FBLN1: variants seen among roughly 807,000 people sequenced by gnomAD.
The protein encoded by FBLN1 is fibulin 1, also known as fibulin-1.
FBLN1 carries 34 observed loss-of-function variants against 89.7 expected under a neutral mutation model. That is an observed-to-expected ratio of 0.38 (90% confidence interval 0.29 to 0.50). The LOEUF is 0.50. FBLN1 is among the 20% of genes least tolerant of loss of function. FBLN1 has a pLI of 0.92. For missense variants in FBLN1, 777 were observed against 988.1 expected (o/e 0.79, Z 2.86); for synonymous variants, 393 against 391.3 (o/e 1.00, Z -0.05).
intron 1 of FBLN1, among the ~76,000 whole-genome samples, chr22:45,504,777 C>G (rs2087996335): frequency 6.6e-6 from 1 of 152,150 alleles, no homozygotes; most frequent in South Asian, 2.1e-4. Context: ...ACTGCTGAGC[C>G]ACAGAGAAGT....
rs2088390841 is a variant in FBLN1, at chr22:45,530,498, G to A, written c.485-767G>A. 1.3e-5 allele frequency among the ~76,000 whole-genome samples: 2 copies of A among 152,116 alleles called. No homozygotes were observed. Among genetic ancestry groups the A allele is most frequent in the Non-Finnish European group, 2.9e-5 (2 of 68,032 alleles). On this transcript the variant is annotated intron_variant, in intron 4 of 16. Transcript: ENST00000327858. This position sits in a 1 kb window ranked among gnomAD's most constrained non-coding sequence, Gnocchi z 5.4. ...TATGTTTCCTGGGGGCCATGCAGAAGGTCCCCAGACCAGTGCTGGCCTGCG... is the reference window on the plus strand; with the variant it reads ...TATGTTTCCTGGGGGCCATGCAGAAAGTCCCCAGACCAGTGCTGGCCTGCG...
intron 3 of FBLN1, 84 bp from the exon 4 acceptor site, chr22:45,527,763 G>C: frequency 6.8e-7 from 1 of 1,460,532 alleles, no homozygotes. Context: ...AGGGGGCTCA[G>C]AGAGGCCTCC....
chr22:45,516,133 A>T (rs1299656877), intron 1 of FBLN1, among the ~76,000 whole-genome samples: 2 of 151,976 alleles, frequency 1.3e-5, no homozygotes, highest in Admixed American at 1.3e-4. Flanking sequence ...CGGCCAGGAG[A>T]GGGTGACAGG....
intron 3 of FBLN1, among the ~76,000 whole-genome samples, chr22:45,527,554 C>G (rs6007078): frequency 6.7e-6 from 1 of 148,618 alleles, no homozygotes; most frequent in African/African-American, 2.5e-5. Flanking sequence ...GGTCTCTGGG[C>G]GGGGCAGGGA....
chr22:45,508,001 A>G (rs1392765534), intron 1 of FBLN1, among the ~76,000 whole-genome samples: 1 of 152,060 alleles, frequency 6.6e-6, no homozygotes, highest in Admixed American at 6.5e-5. Context: ...GAAATCCAAC[A>G]CCTGTGCACC....
intron 1 of FBLN1, among the ~76,000 whole-genome samples, chr22:45,505,860 C>T (rs1483808112): frequency 6.6e-6 from 1 of 152,186 alleles, no homozygotes; most frequent in Non-Finnish European, 1.5e-5. Context: ...CAACCTCCGC[C>T]TCCCGAGTTG....
chr22:45,512,595 C>G (rs73445423), intron 1 of FBLN1, among the ~76,000 whole-genome samples: 11,740 of 152,114 alleles, frequency 0.077, 521 homozygotes, highest in African/African-American at 0.098. Context: ...GTTTGGATAT[C>G]CACAGGTGAC....
chr22:45,542,109 A>T (rs1457277085), intron 9 of FBLN1, 46 bp from the exon 10 acceptor site: 13 of 1,613,510 alleles, frequency 8.1e-6, no homozygotes, highest in Non-Finnish European at 1.1e-5. Flanking sequence ...GGGGGAAAAA[A>T]CCCAAACTAA....
rs552069613 is a variant in FBLN1, at chr22:45,546,586, G to A, written c.1322-499G>A. On this transcript the variant is annotated intron_variant, in intron 11 of 16. Coordinates refer to ENST00000327858, the MANE Select transcript of FBLN1 (RefSeq NM_006486.3). ...AAATTTGGCCCATAGACTATGATTT[G>A]CTGACCTCTGCTTTAGGTAAAGGGG... 4.6e-5 allele frequency among the ~76,000 whole-genome samples: 7 copies of A among 152,352 alleles called. No homozygotes were observed. In the South Asian group the frequency reaches 1.4e-3, roughly 32 times the overall value.
At position 45,525,684 on chromosome 22, in the gene FBLN1, A is replaced by G. The variant is rs778380062; in HGVS notation, c.321+6A>G. 40 of 1,551,280 alleles carry G rather than the reference A, an allele frequency of 2.6e-5. 1 individual carries two copies. The Middle Eastern group carries it at 1.8e-3, about 71-fold the overall frequency. On this transcript the variant is annotated splice_donor_region_variant and intron_variant, in intron 3 of 16. Coordinates refer to ENST00000327858, the MANE Select transcript of FBLN1 (RefSeq NM_006486.3). Reference sequence around the variant, plus strand: ...TGGAGGCCACATTTGTGAAGGTGAGAGCCAAAGACCATGTGGGGTCGCTGC... The same window carrying G: ...TGGAGGCCACATTTGTGAAGGTGAGGGCCAAAGACCATGTGGGGTCGCTGC...
At chr22:45,558,494 C>T (rs1357368220) in intron 14 of FBLN1, 1 of 162,204 alleles carries the variant, frequency 6.2e-6, no homozygotes, top group African/African-American at 2.4e-5. Flanking sequence ...AGGCTGCAGC[C>T]AGCATCCTTA....
chr22:45,518,257 C>G (rs2088197903), intron 1 of FBLN1, among the ~76,000 whole-genome samples: 1 of 152,128 alleles, frequency 6.6e-6, no homozygotes, highest in African/African-American at 2.4e-5. Context: ...TGTTCCCTGA[C>G]CTGCTGGGCT....
intron 14 of FBLN1, among the ~76,000 whole-genome samples, chr22:45,555,063 G>A (rs1026429917): frequency 4.2e-5 from 6 of 144,348 alleles, no homozygotes; most frequent in African/African-American, 1.3e-4. Flanking sequence ...CGTCTCCACC[G>A]CAGGAGGTTA....
intron 3 of FBLN1, 81 bp from the exon 4 acceptor site, chr22:45,527,766 A>G: frequency 2.7e-6 from 4 of 1,470,038 alleles, no homozygotes; most frequent in Non-Finnish European, 3.8e-6. Flanking sequence ...GGGCTCAGAG[A>G]GGCCTCCCCT....
chr22:45,508,295 T>TTTTTTTTTTTTTTTTTTA (rs1265721921), intron 1 of FBLN1, among the ~76,000 whole-genome samples: 1 of 150,754 alleles, frequency 6.6e-6, no homozygotes, highest in African/African-American at 2.4e-5. Flanking sequence ...TCTTTTTTTT[T>TTTTTTTTTTTTTTTTTTA]GAGACGGAGT....
In FBLN1 at chr22:45,514,316, G is replaced by T. The variant is rs2088140912; in HGVS notation, c.80-4366G>T. On this transcript the variant is annotated intron_variant, in intron 1 of 16. Transcript: ENST00000327858. ...CTACACACATCTTTAACCTGCTGCA[G>T]ATAGTACTTTTGTTGGCATCTGGAG... 2.0e-5 allele frequency among the ~76,000 whole-genome samples: 3 copies of T among 152,190 alleles called. No individual in the cohort carries two copies. In the South Asian group the frequency reaches 6.2e-4, roughly 32 times the overall value.
rs2088348151 is a variant in FBLN1, at chr22:45,527,737, T to C, written c.322-110T>C. The C allele has an allele frequency of 3.9e-5, 44 of 1,126,098 alleles. No individual in the cohort carries two copies. The South Asian group carries it at 5.1e-4, about 13-fold the overall frequency. 69.8% of individuals were successfully genotyped at this position (1,126,098 alleles called of 1,614,324 possible). On this transcript the variant is annotated intron_variant, in intron 3 of 16. Coordinates refer to ENST00000327858, the MANE Select transcript of FBLN1 (RefSeq NM_006486.3). ...CTAAGCCAGACTTGAGTCATCACTC[T>C]ACAGGTTGTGTGGACAGGGGGCTCA... is the stretch of plus-strand genomic sequence containing the variant.
chr22:45,527,065 C>T (rs991314482), intron 3 of FBLN1, among the ~76,000 whole-genome samples: 12 of 152,256 alleles, frequency 7.9e-5, no homozygotes, highest in African/African-American at 2.6e-4. Context: ...CAGCGGAGGG[C>T]GTAGAATAAG....
intron 14 of FBLN1, among the ~76,000 whole-genome samples, chr22:45,552,448 C>G (rs894795408): frequency 5.9e-5 from 9 of 152,362 alleles, no homozygotes; most frequent in African/African-American, 2.2e-4. Context: ...GCCACCCCCT[C>G]TCAGCACTGC....
Sources: gnomAD v4.1 joint callset for allele counts (sites outside exome capture counted in the v4.1 genomes callset) on GRCh38, gnomAD v4.1.1 for gene constraint, Gnocchi (gnomAD v3.1) non-coding constraint, MANE v1.5 for transcripts, NCBI Gene and HGNC (gene_info 2026-07-23, HGNC 2026-07-21) for gene names.